C12orf42: variants seen among roughly 807,000 people sequenced by gnomAD.
The protein encoded by C12orf42 is chromosome 12 open reading frame 42, also known as uncharacterized protein C12orf42.
Under a neutral mutation model 21.6 loss-of-function variants are expected in C12orf42, and 25 were observed. The observed-to-expected ratio is 1.16, with a 90% CI of 0.84 to 1.62. The LOEUF is 1.62. Ranked by LOEUF, C12orf42 falls within the 40% of genes most tolerant of loss-of-function variation. C12orf42 has a pLI of 0.00. For missense variants in C12orf42, 483 were observed against 459.3 expected (o/e 1.05, Z -0.47); for synonymous variants, 174 against 175.0 (o/e 0.99, Z 0.05).
At chr12:103,141,298 G>A in the C12orf42 span, among the ~76,000 whole-genome samples, 21 of 152,234 alleles carry the variant, frequency 1.4e-4, no homozygotes, top group African/African-American at 5.1e-4. Flanking sequence ...AGAAAGATAA[G>A]AAAATCTGGG....
Position 103,302,399 on chromosome 12 carries a change from T to C in C12orf42, c.792A>G (p.Arg264=), listed in dbSNP as rs772489274. The part of the protein sequence containing the change: ...AQAHPDDIQS[R]LLGASGNPVG... Reference sequence around the variant, plus strand: ...CGGGATTTCCGGACGCGCCCAGGAGTCTGCTTTGGATGTCGTCGGGGTGTG... The same window carrying C: ...CGGGATTTCCGGACGCGCCCAGGAGCCTGCTTTGGATGTCGTCGGGGTGTG... The change falls in exon 6 of 6, where the codon AGA becomes AGG. Residue 264 remains arginine, a synonymous_variant. Transcript: ENST00000548883. 1.2e-6 allele frequency: 2 copies of C among 1,613,114 alleles called. No homozygotes were observed. Among genetic ancestry groups the C allele is most frequent in the East Asian group, 2.2e-5 (1 of 44,842 alleles).
At chr12:103,427,088 G>T (rs1949878402) in intron 2 of C12orf42, among the ~76,000 whole-genome samples, 2 of 152,112 alleles carry the variant, frequency 1.3e-5, no homozygotes, top group South Asian at 4.1e-4. Flanking sequence ...ATAATGACAG[G>T]ATCAAATTCA....
chr12:103,272,358 C>A (rs529985749), intron 5 of C12orf42, among the ~76,000 whole-genome samples: 2 of 152,162 alleles, frequency 1.3e-5, no homozygotes, highest in Non-Finnish European at 2.9e-5. Context: ...TAGCATATGC[C>A]AAGCACTGTG....
At chr12:103,464,090 A>G (rs949801322) in intron 2 of C12orf42, among the ~76,000 whole-genome samples, 1 of 152,180 alleles carries the variant, frequency 6.6e-6, no homozygotes, top group Admixed American at 6.5e-5. Flanking sequence ...GTATATAACC[A>G]GTAATGAGAT....
chr12:103,156,915 A>G, the C12orf42 span, among the ~76,000 whole-genome samples: 1 of 152,110 alleles, frequency 6.6e-6, no homozygotes, highest in Non-Finnish European at 1.5e-5. Flanking sequence ...TGCTATTGTA[A>G]ATAATGCTGC....
chr12:103,169,699 A>G, the C12orf42 span, among the ~76,000 whole-genome samples: 58 of 152,194 alleles, frequency 3.8e-4, no homozygotes, highest in Non-Finnish European at 6.5e-4. Context: ...TGATTAAAGA[A>G]GGTGTTTTGG....
At chr12:103,402,041 T>C (rs780094923) in intron 2 of C12orf42, among the ~76,000 whole-genome samples, 4 of 152,258 alleles carry the variant, frequency 2.6e-5, no homozygotes, top group Admixed American at 6.5e-5. Flanking sequence ...CTTTGCCATG[T>C]GACTTTGATG....
At chr12:103,182,354 G>A in the C12orf42 span, among the ~76,000 whole-genome samples, 2 of 152,176 alleles carry the variant, frequency 1.3e-5, no homozygotes, top group African/African-American at 4.8e-5. Flanking sequence ...GAACGGATTA[G>A]TTATCTGATT....
At chr12:103,485,936 C>T (rs996952656) in intron 1 of C12orf42, among the ~76,000 whole-genome samples, 1 of 152,154 alleles carries the variant, frequency 6.6e-6, no homozygotes, top group African/African-American at 2.4e-5. Context: ...AATTTGACTT[C>T]CTCTTTTCCT....
At chr12:103,090,732 G>A in the C12orf42 span, among the ~76,000 whole-genome samples, 1 of 152,012 alleles carries the variant, frequency 6.6e-6, no homozygotes, top group Admixed American at 6.6e-5. Flanking sequence ...ATTTCAACCG[G>A]GAGTTGTAGA....
the C12orf42 span, among the ~76,000 whole-genome samples, chr12:103,197,890 C>T: frequency 6.6e-6 from 1 of 152,210 alleles, no homozygotes; most frequent in Non-Finnish European, 1.5e-5. Flanking sequence ...GGACCAGGCC[C>T]ATGGCTTTGT....
chr12:103,294,583 G>GGAAAGAAAGAAACAAA (rs2037094055), intron 4 of C12orf42, among the ~76,000 whole-genome samples: 1 of 80,280 alleles, frequency 1.2e-5, no homozygotes. Context: ...AAGGAAGGAA[G>GGAAAGAAAGAAACAAA]GAAAGAAAGA....
At chr12:103,562,540 G>A in the C12orf42 span, among the ~76,000 whole-genome samples, 1 of 152,160 alleles carries the variant, frequency 6.6e-6, no homozygotes, top group Non-Finnish European at 1.5e-5. Flanking sequence ...TGACTCTAGA[G>A]AACAGAAATC....
the C12orf42 span, among the ~76,000 whole-genome samples, chr12:103,533,867 C>T: frequency 6.6e-6 from 1 of 152,210 alleles, no homozygotes; most frequent in South Asian, 2.1e-4. Flanking sequence ...TGTGGAGTCA[C>T]TGCCTAGGTT....
At chr12:103,214,136 T>C in the C12orf42 span, among the ~76,000 whole-genome samples, 3 of 152,262 alleles carry the variant, frequency 2.0e-5, no homozygotes, top group South Asian at 6.2e-4. Flanking sequence ...CTGAACTTGT[T>C]CCCATCAAGT....
At chr12:103,062,868 T>C in the C12orf42 span, among the ~76,000 whole-genome samples, 1 of 152,326 alleles carries the variant, frequency 6.6e-6, no homozygotes, top group East Asian at 1.9e-4. Flanking sequence ...CTCTCTTCTA[T>C]TATTTGAAGC....
At chr12:103,317,775 T>A (rs552124040) in intron 4 of C12orf42, among the ~76,000 whole-genome samples, 2 of 152,146 alleles carry the variant, frequency 1.3e-5, no homozygotes, top group African/African-American at 4.8e-5. Context: ...TGTTACCACA[T>A]GAAATTGGTA....
At chr12:103,423,093 T>C (rs1395739613) in intron 2 of C12orf42, among the ~76,000 whole-genome samples, 1 of 152,114 alleles carries the variant, frequency 6.6e-6, no homozygotes, top group African/African-American at 2.4e-5. Context: ...ATTACACAAA[T>C]ACCTACAAAG....
Position 103,478,418 on chromosome 12 carries a change from T to G in C12orf42, c.9A>C (p.Thr3=), listed in dbSNP as rs1367282370. 2 of 1,584,870 alleles carry G rather than the reference T, an allele frequency of 1.3e-6. No homozygotes were observed. The highest frequency in any genetic ancestry group is 1.8e-5 in the Admixed American group (1 of 56,110). The change falls in exon 2 of 6, where the codon ACA becomes ACC. Residue 3 remains threonine, a synonymous_variant. Transcript: ENST00000548883. MS[T]VICMKQREEE... Reference sequence around the variant, plus strand: ...CTTCCCTTTGTTTCATACATATCACTGTAGACATTAATTTGACAAGTTCAA... The same window carrying G: ...CTTCCCTTTGTTTCATACATATCACGGTAGACATTAATTTGACAAGTTCAA...
Sources: gnomAD v4.1 joint callset for allele counts (sites outside exome capture counted in the v4.1 genomes callset) on GRCh38, gnomAD v4.1.1 for gene constraint, MANE v1.5 for transcripts, NCBI Gene and HGNC (gene_info 2026-07-23, HGNC 2026-07-21) for gene names.